Variants in RNF32 observed in about 807,000 individuals in gnomAD.
The protein encoded by RNF32 is ring finger protein 32.
A neutral mutation model predicts 41.0 loss-of-function variants in RNF32; 36 were observed. That is an observed-to-expected ratio of 0.88 (90% CI 0.67 to 1.16). The LOEUF (loss-of-function observed/expected upper bound fraction) is 1.16. Ranked by LOEUF, RNF32 falls within the 50% of genes most tolerant of loss-of-function variation. The pLI is 0.00. For synonymous variants in RNF32, 154 were observed against 160.9 expected (o/e 0.96, Z 0.32); for missense variants, 413 against 436.7 (o/e 0.95, Z 0.48).
chr7:156,665,787 C>G (rs1190973398), intron 7 of RNF32, among the ~76,000 whole-genome samples: 1 of 152,154 alleles, frequency 6.6e-6, no homozygotes, highest in Non-Finnish European at 1.5e-5. Context: ...TCTGGGGCTT[C>G]AACAAAGTCA....
intron 3 of RNF32, among the ~76,000 whole-genome samples, chr7:156,652,019 C>A (rs1798807061): frequency 6.6e-6 from 1 of 152,138 alleles, no homozygotes. Context: ...GGTTTCTTCC[C>A]TCGTAGTGGC....
intron 4 of RNF32, among the ~76,000 whole-genome samples, chr7:156,656,595 G>A (rs1799708772): frequency 6.6e-6 from 1 of 152,218 alleles, no homozygotes; most frequent in South Asian, 2.1e-4. Context: ...CATTTAAGAA[G>A]AAAAGCATAC....
rs55693739 is a variant in RNF32 at position 156,676,760 on chromosome 7, C to T, written c.*105C>T. ...TAAGTACTACAATGTAATCTGTTTC[C>T]CAGGGAAATAAGCTATTGGTAGTTG... On this transcript the variant is annotated 3_prime_UTR_variant, in exon 9 of 9. Transcript: ENST00000317955. 0.033 allele frequency: 26,767 copies of T among 806,828 alleles called. 644 individuals are homozygous for T. Among genetic ancestry groups the T allele is most frequent in the East Asian group, 0.11 (4,528 of 40,442 alleles). 50.0% of individuals were successfully genotyped at this position (806,828 alleles called of 1,614,324 possible).
intron 3 of RNF32, among the ~76,000 whole-genome samples, chr7:156,653,200 A>G (rs76631046): frequency 0.019 from 2,847 of 152,212 alleles, 89 homozygotes; most frequent in African/African-American, 0.066. Flanking sequence ...TATTTTTACT[A>G]TACCTTTTCC....
intron 7 of RNF32, among the ~76,000 whole-genome samples, chr7:156,672,817 G>C (rs1802851455): frequency 6.6e-6 from 1 of 152,238 alleles, no homozygotes; most frequent in Non-Finnish European, 1.5e-5. Flanking sequence ...GCTTGGAGTT[G>C]GGAGGTGACA....
intron 1 of RNF32, among the ~76,000 whole-genome samples, chr7:156,642,464 C>A (rs1437858458): frequency 6.6e-6 from 1 of 152,232 alleles, no homozygotes; most frequent in Admixed American, 6.5e-5. Flanking sequence ...CCTCCCCCTA[C>A]CATGCAGTTT....
chr7:156,658,066 A>G (rs1800000250), intron 5 of RNF32, 62 bp from the exon 6 acceptor site: 1 of 1,486,086 alleles, frequency 6.7e-7, no homozygotes, highest in Non-Finnish European at 9.3e-7. Context: ...CTAACATTGG[A>G]AGTAAAAACG....
Position 156,676,722 on chromosome 7 carries a change from A to G in RNF32, c.*67A>G. ...TTTACCATCATTTTGGATGAACTGC[A>G]TGAGTTCTGGGTTAAGTACTACAAT... On this transcript the variant is annotated 3_prime_UTR_variant, in exon 9 of 9. Transcript: ENST00000317955. 8.4e-7 allele frequency: 1 copy of G among 1,185,832 alleles called. No individual in the cohort carries two copies. Among genetic ancestry groups the G allele is most frequent in the Non-Finnish European group, 1.2e-6 (1 of 805,738 alleles). 73.5% of individuals were successfully genotyped at this position (1,185,832 alleles called of 1,614,324 possible). A position where few individuals can be genotyped will look rare whatever the true frequency, so the allele number is the denominator to read the frequency against.
At chr7:156,673,184 T>C (rs1416478729) in intron 7 of RNF32, among the ~76,000 whole-genome samples, 1 of 152,218 alleles carries the variant, frequency 6.6e-6, no homozygotes, top group East Asian at 1.9e-4. Context: ...TTGAAACACT[T>C]TGCAAGGTCT....
At chr7:156,675,378 C>A (rs1215201525) in intron 7 of RNF32, among the ~76,000 whole-genome samples, 1 of 152,140 alleles carries the variant, frequency 6.6e-6, no homozygotes, top group Non-Finnish European at 1.5e-5. Flanking sequence ...AGAGGTCAGA[C>A]GGTCCCTCCT....
chr7:156,661,689 G>A (rs529664461), intron 7 of RNF32, among the ~76,000 whole-genome samples: 7 of 152,260 alleles, frequency 4.6e-5, no homozygotes, highest in African/African-American at 7.2e-5. Context: ...CGTAACTTTC[G>A]CAAAGCAAAA....
chr7:156,663,634 A>G (rs1422913892), intron 7 of RNF32, among the ~76,000 whole-genome samples: 1 of 152,228 alleles, frequency 6.6e-6, no homozygotes, highest in African/African-American at 2.4e-5. Flanking sequence ...AAGAGCTAAT[A>G]ATTTTTTTAA....
intron 3 of RNF32, among the ~76,000 whole-genome samples, chr7:156,651,132 C>A (rs1367689085): frequency 2.0e-5 from 3 of 152,094 alleles, no homozygotes; most frequent in Non-Finnish European, 4.4e-5. Flanking sequence ...GTGTAGCATT[C>A]CCCTGACCCA....
intron 1 of RNF32, among the ~76,000 whole-genome samples, chr7:156,641,390 G>C (rs914708198): frequency 2.0e-5 from 3 of 152,166 alleles, no homozygotes; most frequent in Admixed American, 6.5e-5. Context: ...TTAATACTGG[G>C]ATTTACAAAG....
intron 3 of RNF32, among the ~76,000 whole-genome samples, chr7:156,648,827 A>G (rs938346234): frequency 1.3e-5 from 2 of 151,790 alleles, no homozygotes; most frequent in Non-Finnish European, 1.5e-5. Context: ...ATTGAATACA[A>G]TTTTCATTCT....
rs977272519 is a variant in RNF32 at position 156,669,902 on chromosome 7, T to C, written c.685-5794T>C. Among the ~76,000 whole-genome samples, 1 of 152,156 alleles carries C rather than the reference T, an allele frequency of 6.6e-6. No individual in the cohort carries two copies. Among genetic ancestry groups the C allele is most frequent in the African/African-American group, 2.4e-5 (1 of 41,440 alleles). ...CAGGTGACAGGAGGGCGGGCGGTCATGGCCTAGTGCCATGAAAATGAAACA... is the reference window on the plus strand; with the variant it reads ...CAGGTGACAGGAGGGCGGGCGGTCACGGCCTAGTGCCATGAAAATGAAACA... On this transcript the variant is annotated intron_variant, in intron 7 of 8. Coordinates refer to ENST00000317955, the MANE Select transcript of RNF32 (RefSeq NM_030936.4). This position sits in a 1 kb window ranked among gnomAD's most constrained non-coding sequence, Gnocchi z 4.2.
intron 7 of RNF32, among the ~76,000 whole-genome samples, chr7:156,671,237 C>G (rs1406513593): frequency 6.6e-6 from 1 of 152,182 alleles, no homozygotes; most frequent in Non-Finnish European, 1.5e-5. Context: ...CACCGTTTGT[C>G]TGTCAGTAAC....
rs760591778 is a variant in RNF32 at position 156,643,865 on chromosome 7, T to G, written c.-13T>G. The G allele has an allele frequency of 4.5e-5, 72 of 1,611,628 alleles. No homozygotes were observed. The highest frequency in any genetic ancestry group is 5.9e-5 in the Non-Finnish European group (70 of 1,177,882). On this transcript the variant is annotated 5_prime_UTR_variant, in exon 2 of 9. Coordinates refer to ENST00000317955, the MANE Select transcript of RNF32 (RefSeq NM_030936.4). Reference sequence around the variant, plus strand: ...ATTTGTGATAGCCAAGCAACAACTTTTCCTAATTCGGCATGTTAAAAAATA... The same window carrying G: ...ATTTGTGATAGCCAAGCAACAACTTGTCCTAATTCGGCATGTTAAAAAATA...
In RNF32 at chr7:156,643,801, C is replaced by A; in HGVS notation, c.-77C>A. On this transcript the variant is annotated splice_region_variant and 5_prime_UTR_variant, in exon 2 of 9. Transcript: ENST00000317955. ...CTTTCTGTTGACCACGTCTTTGCAG[C>A]AGAAGAATAGAAGGAAGGTGATAGG... is the stretch of plus-strand genomic sequence containing the variant. The A allele has an allele frequency of 7.5e-7, 1 of 1,341,812 alleles. No individual in the cohort carries two copies. The highest frequency in any genetic ancestry group is 1.1e-6 in the Non-Finnish European group (1 of 936,336). 83.1% of individuals were successfully genotyped at this position (1,341,812 alleles called of 1,614,324 possible).
Sources: allele counts gnomAD v4.1 joint callset (sites outside exome capture counted in the v4.1 genomes callset), GRCh38; gene constraint gnomAD v4.1.1; non-coding constraint Gnocchi (gnomAD v3.1); transcripts MANE v1.5; gene names NCBI Gene and HGNC (gene_info 2026-07-23, HGNC 2026-07-21).